Variants in MEX3C observed in about 807,000 individuals in gnomAD.
MEX3C encodes mex-3 RNA binding family member C.
MEX3C carries 15 observed loss-of-function variants against 35.5 expected under a neutral mutation model. The ratio of observed to expected loss-of-function variants is 0.42; its 90% CI spans 0.28 to 0.65. The LOEUF (loss-of-function observed/expected upper bound fraction) is 0.65. Ranked by LOEUF, MEX3C falls within the 30% of genes least tolerant of loss-of-function variation. MEX3C has a pLI of 0.20. For synonymous variants in MEX3C, 390 were observed against 352.8 expected (o/e 1.11, Z -1.18); for missense variants, 711 against 842.8 (o/e 0.84, Z 1.94).
At chr18:51,187,011 G>A (rs529213269) in intron 1 of MEX3C, among the ~76,000 whole-genome samples, 289 of 152,172 alleles carry the variant, frequency 1.9e-3, no homozygotes, top group Non-Finnish European at 3.5e-3. Flanking sequence ...AGAGAGAGGG[G>A]AGTTAAACAT....
chr18:51,181,263 CATT>C (rs1365800520), intron 1 of MEX3C, among the ~76,000 whole-genome samples: 1 of 151,964 alleles, frequency 6.6e-6, no homozygotes, highest in Non-Finnish European at 1.5e-5. Flanking sequence ...ATATTTATAA[CATT>C]ATTAGAAATG....
rs1370863474 is a variant in MEX3C at position 51,196,799 on chromosome 18, G to T, written c.522C>A (p.Ala174=). ...CCGCCGCCGCGGCCGCCGCCTCCCG[G>T]GCATCGAACCTGGCGGCTGGCAGCA... is the stretch of plus-strand genomic sequence containing the variant. ...SVLLPAARFD[A]REAAAAAAAA... The change falls in exon 1 of 2, where the codon GCC becomes GCA. Residue 174 remains alanine (A), a synonymous_variant. Coordinates refer to ENST00000406189, the MANE Select transcript of MEX3C (RefSeq NM_016626.5). 3.3e-6 allele frequency: 5 copies of T among 1,530,792 alleles called. No homozygotes were observed. Among genetic ancestry groups the T allele is most frequent in the African/African-American group, 1.4e-5 (1 of 71,214 alleles). The allele number at this position is 1,530,792 out of a possible 1,614,324, so 94.8% of individuals were successfully genotyped here.
At position 51,197,607 on chromosome 18, in the gene MEX3C, T is replaced by C. The variant is rs1403755307; in HGVS notation, c.-287A>G. Among the ~76,000 whole-genome samples the C allele has an allele frequency of 6.6e-6, 1 of 151,120 alleles. No individual in the cohort carries two copies. Among genetic ancestry groups the C allele is most frequent in the Non-Finnish European group, 1.5e-5 (1 of 67,688 alleles). Reference sequence around the variant, plus strand: ...TGGCAGCGGCTCCCCTCTCAGTGTTTCTTTTGTTTCATGGCCTTAACCAGC... The same window carrying C: ...TGGCAGCGGCTCCCCTCTCAGTGTTCCTTTTGTTTCATGGCCTTAACCAGC... On this transcript the variant is annotated 5_prime_UTR_variant, in exon 1 of 2. Coordinates refer to ENST00000406189, the MANE Select transcript of MEX3C (RefSeq NM_016626.5).
Position 51,197,016 on chromosome 18 carries a change from T to G in MEX3C, c.305A>C (p.Glu102Ala). ...RAPPGRPGAP[E>A]AAELELEEDE... ...CTCTTCCAGCTCCAGCTCGGCCGCC[T>G]CCGGGGCCCCGGGCCGGCCGGGCGG... Residue 102 changes from glutamate (E) to alanine (A), a missense_variant, in exon 1 of 2, where the codon GAG becomes GCG. By Grantham distance (107) the Glu-to-Ala change is moderately radical. Around this residue, in one of 4 missense-constraint regions of MEX3C, gnomAD observed 354 missense variants for 311.6 expected, o/e 1.14. Transcript: ENST00000406189. 3 of 1,519,000 alleles carry G rather than the reference T, an allele frequency of 2.0e-6. No homozygotes were observed. The highest frequency in any genetic ancestry group is 8.8e-7 in the Non-Finnish European group (1 of 1,137,926). 94.1% of individuals were successfully genotyped at this position (1,519,000 alleles called of 1,614,324 possible).
In MEX3C at chr18:51,196,588, C is replaced by A; in HGVS notation, c.733G>T (p.Ala245Ser). ...TCACCCTGGCGGCCGACGATCTCGG[C>A]GACGTGCTCGGAGCTGGGCACCGGG... Reference protein sequence around the residue: ...CVPVPSSEHVAEIVGRQGCKI... With the variant: ...CVPVPSSEHVSEIVGRQGCKI... Residue 245 changes from alanine (A) to serine (S), a missense_variant, in exon 1 of 2, where the codon GCC (alanine) becomes TCC (serine). Physicochemically the swap from Ala to Ser is moderately conservative, Grantham distance 99. Around this residue, in one of 4 missense-constraint regions of MEX3C, gnomAD observed 83 missense variants for 179.1 expected, o/e 0.46. Coordinates refer to ENST00000406189, the MANE Select transcript of MEX3C (RefSeq NM_016626.5). 3 of 1,591,484 alleles carry A rather than the reference C, an allele frequency of 1.9e-6. No individual in the cohort carries two copies. The highest frequency in any genetic ancestry group is 2.6e-6 in the Non-Finnish European group (3 of 1,174,642).
chr18:51,188,772 A>C (rs1774747189), intron 1 of MEX3C, among the ~76,000 whole-genome samples: 1 of 152,208 alleles, frequency 6.6e-6, no homozygotes, highest in Non-Finnish European at 1.5e-5. Flanking sequence ...AGGTACTTTA[A>C]CCAATATTAA....
At chr18:51,180,456 A>G (rs1237895162) in intron 1 of MEX3C, among the ~76,000 whole-genome samples, 2 of 152,078 alleles carry the variant, frequency 1.3e-5, no homozygotes, top group Admixed American at 1.3e-4. Context: ...AAGTAAAAGG[A>G]AGACAGCAAA....
At chr18:51,193,059 C>T (rs976449959) in intron 1 of MEX3C, 9 of 152,264 alleles carry the variant, frequency 5.9e-5, no homozygotes, top group African/African-American at 2.2e-4. Context: ...AGGGTGGTTC[C>T]ACCCTAAGAA....
Position 51,177,826 on chromosome 18 carries a change from A to T in MEX3C, c.755-250T>A, listed in dbSNP as rs955440459. ...GAAGTTATTAAACTGACTTCCACCT[A>T]ATTATCTTACCACTTTAACTTAACA... On this transcript the variant is annotated intron_variant, in intron 1 of 1. Coordinates refer to ENST00000406189, the MANE Select transcript of MEX3C (RefSeq NM_016626.5). The surrounding 1 kb of genome is among the most constrained non-coding windows in gnomAD (Gnocchi z 4.2). Among the ~76,000 whole-genome samples the T allele has an allele frequency of 6.6e-6, 1 of 152,142 alleles. No homozygotes were observed. The highest frequency in any genetic ancestry group is 2.4e-5 in the African/African-American group (1 of 41,434).
At chr18:51,187,935 ATCAAT>A (rs1001251960) in intron 1 of MEX3C, among the ~76,000 whole-genome samples, 1 of 152,240 alleles carries the variant, frequency 6.6e-6, no homozygotes, top group Non-Finnish European at 1.5e-5. Flanking sequence ...AGTTCTATTA[ATCAAT>A]TCTAGTATTC....
At chr18:51,181,807 T>A (rs923133012) in intron 1 of MEX3C, among the ~76,000 whole-genome samples, 7 of 152,232 alleles carry the variant, frequency 4.6e-5, no homozygotes, top group Non-Finnish European at 1.0e-4. Context: ...TTATTTATTT[T>A]TTTTAATAAA....
Position 51,196,831 on chromosome 18 carries a change from A to G in MEX3C, c.490T>C (p.Ser164Pro), listed in dbSNP as rs1912808248. The stretch of plus-strand genomic sequence containing the variant: ...AACCTGGCGGCTGGCAGCAGCACAG[A>G]CCCCAGGGACCCGCCCGGGATCTGC... ...TQQIPGGSLG[S>P]VLLPAARFDA... Residue 164 changes from serine (S) to proline (P), a missense_variant, in exon 1 of 2, where the codon TCT becomes CCT. Physicochemically the swap from Ser to Pro is moderately conservative, Grantham distance 74. Coordinates refer to ENST00000406189, the MANE Select transcript of MEX3C (RefSeq NM_016626.5). 1 of 1,534,078 alleles carries G rather than the reference A, an allele frequency of 6.5e-7. No individual in the cohort carries two copies. The highest frequency in any genetic ancestry group is 1.4e-5 in the African/African-American group (1 of 71,468).
intron 1 of MEX3C, among the ~76,000 whole-genome samples, chr18:51,187,259 G>C (rs1912561240): frequency 6.6e-6 from 1 of 152,068 alleles, no homozygotes; most frequent in Non-Finnish European, 1.5e-5. Context: ...ATTTGGAAAA[G>C]ATAAAACTGT....
intron 1 of MEX3C, among the ~76,000 whole-genome samples, chr18:51,186,530 T>C (rs1352851920): frequency 6.6e-6 from 1 of 152,176 alleles, no homozygotes; most frequent in African/African-American, 2.4e-5. Flanking sequence ...TAAAGCTGGA[T>C]GGGGAGACAG....
rs1343994697 is a variant in MEX3C, at chr18:51,197,173, C to T, written c.148G>A (p.Glu50Lys). The change falls in exon 1 of 2, where the codon GAG (glutamate) becomes AAG (lysine). Residue 50 changes from glutamate (E) to lysine (K), a missense_variant. Physicochemically the swap from Glu to Lys is moderately conservative, Grantham distance 56 (BLOSUM62 1). Around this residue, in one of 4 missense-constraint regions of MEX3C, gnomAD observed 354 missense variants for 311.6 expected, o/e 1.14. Transcript: ENST00000406189. ...ELEGDGLLLRERLAALGLDDP... is the reference protein window; with the variant it reads ...ELEGDGLLLRKRLAALGLDDP... ...TCGAGGCCTAGCGCGGCCAAGCGCT[C>T]CCTCAGCAGGAGCCCGTCCCCCTCG... The T allele has an allele frequency of 1.1e-5, 11 of 1,041,492 alleles. No homozygotes were observed. The South Asian group carries it at 3.1e-4, about 29-fold the overall frequency. 64.5% of individuals were successfully genotyped at this position (1,041,492 alleles called of 1,614,324 possible).
rs946615408 is a variant in MEX3C, at chr18:51,184,425, A to T, written c.755-6849T>A. ...GCAGTAACTGTTACAAAGTAATAAAAACTACTAGAGATTCTCAGAGCCCTT... is the reference window on the plus strand; with the variant it reads ...GCAGTAACTGTTACAAAGTAATAAATACTACTAGAGATTCTCAGAGCCCTT... On this transcript the variant is annotated intron_variant, in intron 1 of 1. Coordinates refer to ENST00000406189, the MANE Select transcript of MEX3C (RefSeq NM_016626.5). 2.0e-5 allele frequency among the ~76,000 whole-genome samples: 3 copies of T among 152,314 alleles called. No homozygotes were observed. In the South Asian group the frequency reaches 6.2e-4, roughly 32 times the overall value.
intron 1 of MEX3C, among the ~76,000 whole-genome samples, chr18:51,187,729 C>A (rs1413583912): frequency 6.6e-6 from 1 of 151,914 alleles, no homozygotes; most frequent in East Asian, 1.9e-4. Context: ...AAAACAAAAA[C>A]AAACAAAAAC....
intron 1 of MEX3C, among the ~76,000 whole-genome samples, chr18:51,179,975 T>C (rs1490729444): frequency 6.6e-6 from 1 of 152,060 alleles, no homozygotes. Flanking sequence ...ACAGACAATA[T>C]TCTGCAGAAA....
intron 1 of MEX3C, chr18:51,195,928 G>A (rs1174182896): frequency 6.5e-6 from 1 of 153,100 alleles, no homozygotes; most frequent in Non-Finnish European, 1.5e-5. Flanking sequence ...AAGACAGCCA[G>A]TGTGTCAGTG....
Sources: allele counts gnomAD v4.1 joint callset (sites outside exome capture counted in the v4.1 genomes callset), GRCh38; gene constraint gnomAD v4.1.1; regional missense constraint gnomAD v4.1.1; non-coding constraint Gnocchi (gnomAD v3.1); transcripts MANE v1.5; gene names NCBI Gene and HGNC (gene_info 2026-07-23, HGNC 2026-07-21).